Variants in CSMD1 observed in about 807,000 individuals in gnomAD.
The protein encoded by CSMD1 is CUB and sushi domain-containing protein 1.
A neutral mutation model predicts 417.5 loss-of-function variants in CSMD1; 213 were observed. The ratio of observed to expected loss-of-function variants is 0.51; its 90% confidence interval spans 0.46 to 0.57. The LOEUF (loss-of-function observed/expected upper bound fraction) is 0.57, where lower values mean the gene tolerates loss of function less well. CSMD1 is among the 20% of genes least tolerant of loss of function. CSMD1 has a pLI of 0.00. For missense variants in CSMD1, 6,923 were observed against 4,529.7 expected (o/e 1.53, Z -15.17); for synonymous variants, 2,862 against 1,736.8 (o/e 1.65, Z -16.11).
chr8:3,860,794 C>G (rs1585103256), intron 5 of CSMD1, among the ~76,000 whole-genome samples: 1 of 152,262 alleles, frequency 6.6e-6, no homozygotes, highest in African/African-American at 2.4e-5. Flanking sequence ...CTCTGCAACA[C>G]TTAACTCTAA....
intron 17 of CSMD1, among the ~76,000 whole-genome samples, chr8:3,389,348 A>T (rs1811207864): frequency 6.6e-6 from 1 of 152,032 alleles, no homozygotes; most frequent in South Asian, 2.1e-4. Context: ...GCTCCCACTT[A>T]TAAGTGAGAA....
chr8:4,850,428 A>G (rs1204447249), intron 1 of CSMD1, among the ~76,000 whole-genome samples: 1 of 117,966 alleles, frequency 8.5e-6, no homozygotes, highest in East Asian at 2.6e-4. Context: ...AGTAAAAAAC[A>G]TCTTTACTCT....
chr8:3,641,673 T>G (rs531902392), intron 7 of CSMD1, among the ~76,000 whole-genome samples: 1 of 152,290 alleles, frequency 6.6e-6, no homozygotes, highest in Non-Finnish European at 1.5e-5. Context: ...ATACAGCTTT[T>G]GCCCCAACAG....
intron 5 of CSMD1, among the ~76,000 whole-genome samples, chr8:3,989,052 G>T (rs1428938670): frequency 6.6e-6 from 1 of 152,146 alleles, no homozygotes; most frequent in Non-Finnish European, 1.5e-5. Context: ...CTTTTTCATT[G>T]TAGGGCAGAA....
intron 3 of CSMD1, among the ~76,000 whole-genome samples, chr8:4,242,305 T>C (rs1802450004): frequency 6.6e-6 from 1 of 152,156 alleles, no homozygotes; most frequent in Admixed American, 6.5e-5. Flanking sequence ...AAATTCATAG[T>C]AGTGTAATTA....
intron 6 of CSMD1, among the ~76,000 whole-genome samples, chr8:3,748,325 T>C (rs1705209097): frequency 1.3e-5 from 2 of 152,240 alleles, no homozygotes; most frequent in Admixed American, 6.5e-5. Flanking sequence ...TTTATTTTGA[T>C]TGAAACAATA....
chr8:4,857,336 C>G (rs1801862812), intron 1 of CSMD1, among the ~76,000 whole-genome samples: 1 of 150,868 alleles, frequency 6.6e-6, no homozygotes, highest in East Asian at 2.0e-4. Context: ...AATTGACACC[C>G]TAACATCACA....
chr8:3,238,485 G>C (rs1016812016), intron 26 of CSMD1, among the ~76,000 whole-genome samples: 1 of 152,050 alleles, frequency 6.6e-6, no homozygotes, highest in African/African-American at 2.4e-5. Context: ...TTTGGGGGTG[G>C]TATGGAGACA....
chr8:3,925,412 G>T (rs890999644), intron 5 of CSMD1, among the ~76,000 whole-genome samples: 9 of 152,150 alleles, frequency 5.9e-5, no homozygotes, highest in East Asian at 1.9e-4. Flanking sequence ...AAAGCATGAT[G>T]AAAGAAATAA....
intron 57 of CSMD1, among the ~76,000 whole-genome samples, chr8:2,971,937 T>A (rs1481680052): frequency 6.6e-6 from 1 of 152,152 alleles, no homozygotes; most frequent in Non-Finnish European, 1.5e-5. Flanking sequence ...TTATCTTGGA[T>A]TATCATGTTT....
At chr8:4,235,843 C>G (rs1315508864) in intron 3 of CSMD1, among the ~76,000 whole-genome samples, 4 of 152,132 alleles carry the variant, frequency 2.6e-5, no homozygotes, top group Non-Finnish European at 5.9e-5. Flanking sequence ...GAGGAGACAT[C>G]CTGCCATCCT....
chr8:4,793,968 G>C (rs927250172), intron 1 of CSMD1, among the ~76,000 whole-genome samples: 1 of 152,112 alleles, frequency 6.6e-6, no homozygotes, highest in Non-Finnish European at 1.5e-5. Flanking sequence ...GTTAGGAATA[G>C]TTAACTACAA....
chr8:4,603,437 A>G (rs1800700840), intron 2 of CSMD1, among the ~76,000 whole-genome samples: 1 of 152,150 alleles, frequency 6.6e-6, no homozygotes, highest in Admixed American at 6.5e-5. Context: ...TCCATTCAGA[A>G]TGTACAGGAG....
intron 1 of CSMD1, among the ~76,000 whole-genome samples, chr8:4,779,469 T>G (rs1175880001): frequency 6.7e-6 from 1 of 149,666 alleles, no homozygotes; most frequent in Non-Finnish European, 1.5e-5. Context: ...AGCTCATTAA[T>G]TTATTTTTTT....
At chr8:3,491,168 C>T (rs1818351447) in intron 11 of CSMD1, among the ~76,000 whole-genome samples, 1 of 152,086 alleles carries the variant, frequency 6.6e-6, no homozygotes, top group Non-Finnish European at 1.5e-5. Flanking sequence ...ATGCAAAAGA[C>T]TGTCAAAGGG....
chr8:4,567,111 G>C (rs1299507577), intron 2 of CSMD1, among the ~76,000 whole-genome samples: 2 of 152,120 alleles, frequency 1.3e-5, no homozygotes, highest in African/African-American at 2.4e-5. Flanking sequence ...GTATGGCTTT[G>C]AAAATAAATC....
chr8:4,219,946 A>C (rs1434494667), intron 3 of CSMD1, among the ~76,000 whole-genome samples: 1 of 152,070 alleles, frequency 6.6e-6, no homozygotes, highest in Admixed American at 6.6e-5. Context: ...ATTTTTTAAA[A>C]ATTTTTTAAT....
intron 2 of CSMD1, among the ~76,000 whole-genome samples, chr8:4,535,288 A>T (rs981992459): frequency 6.6e-6 from 1 of 152,184 alleles, no homozygotes; most frequent in Non-Finnish European, 1.5e-5. Context: ...CACAGGGGGA[A>T]GTCAATTATT....
intron 15 of CSMD1, among the ~76,000 whole-genome samples, chr8:3,403,069 T>C (rs1812136971): frequency 6.6e-6 from 1 of 152,200 alleles, no homozygotes; most frequent in Non-Finnish European, 1.5e-5. Flanking sequence ...CATTTGCTTG[T>C]AGTTCTATTT....
Sources: gnomAD v4.1 joint callset for allele counts (sites outside exome capture counted in the v4.1 genomes callset) on GRCh38, gnomAD v4.1.1 for gene constraint, MANE v1.5 for transcripts, NCBI Gene and HGNC (gene_info 2026-07-23, HGNC 2026-07-21) for gene names.